Variants in KIAA1549L observed in about 807,000 individuals in gnomAD.
KIAA1549L encodes KIAA1549 like, also known as UPF0606 protein KIAA1549L.
In KIAA1549L, 88 loss-of-function variants were observed where a neutral mutation model predicts 160.7. The observed-to-expected ratio is 0.55, with a 90% CI of 0.46 to 0.65. KIAA1549L has a LOEUF of 0.65. KIAA1549L is among the 30% of genes least tolerant of loss of function. KIAA1549L has a pLI of 0.00. For synonymous variants in KIAA1549L, 950 were observed against 976.7 expected, an observed-to-expected ratio of 0.97 and a Z score of 0.51; for missense variants, 2,258 against 2,437.5, an observed-to-expected ratio of 0.93 and a Z score of 1.55.
chr11:33,570,246 C>A (rs909509619), intron 9 of KIAA1549L, among the ~76,000 whole-genome samples: 4 of 152,136 alleles, frequency 2.6e-5, no homozygotes, highest in Non-Finnish European at 5.9e-5. Context: ...TCATGATCCA[C>A]CCACCTCAGC....
In KIAA1549L at chr11:33,414,727, T is replaced by G. The variant is rs143351244; in HGVS notation, c.238+37838T>G. 8.8e-3 allele frequency among the ~76,000 whole-genome samples: 1,335 copies of G among 152,314 alleles called. 26 individuals carry two copies. The highest frequency in any genetic ancestry group is 0.03 in the African/African-American group (1,260 of 41,560). On this transcript the variant is annotated intron_variant, in intron 1 of 20. Transcript: ENST00000658780. ...GTTGAAAAGGGTATTGTATTATTGT[T>G]TTAATGTACATTACTTTGATTACTA...
At chr11:33,553,274 A>G (rs1213846640) in intron 6 of KIAA1549L, among the ~76,000 whole-genome samples, 1 of 150,834 alleles carries the variant, frequency 6.6e-6, no homozygotes, top group Non-Finnish European at 1.5e-5. Context: ...TGCTGGGATT[A>G]CAGGCATGAA....
At chr11:33,600,116 G>A (rs555141216) in intron 13 of KIAA1549L, among the ~76,000 whole-genome samples, 2 of 152,182 alleles carry the variant, frequency 1.3e-5, no homozygotes, top group East Asian at 3.9e-4. Context: ...ATTATATAAA[G>A]CACTTGTTTA....
rs561120960 is a variant in KIAA1549L at position 33,407,147 on chromosome 11, T to G, written c.238+30258T>G. On this transcript the variant is annotated intron_variant, in intron 1 of 20. Transcript: ENST00000658780. ...TCGTCCAGGCTGGAGTGCAGTGGCG[T>G]GATCTCGGCTCACTACAAACTCCGC... Among the ~76,000 whole-genome samples the G allele has an allele frequency of 7.2e-4, 100 of 138,662 alleles. 1 individual carries two copies. The highest frequency in any genetic ancestry group is 4.5e-3 in the East Asian group (20 of 4,490). 91.0% of individuals were successfully genotyped at this position (138,662 alleles called of 152,430 possible).
chr11:33,379,671 A>G (rs1164951235), intron 1 of KIAA1549L, among the ~76,000 whole-genome samples: 5 of 152,234 alleles, frequency 3.3e-5, no homozygotes, highest in African/African-American at 7.2e-5. Flanking sequence ...CAGCTACTCA[A>G]TGTGACTGTC....
chr11:33,456,690 G>A (rs954393354), intron 1 of KIAA1549L, among the ~76,000 whole-genome samples: 32 of 152,208 alleles, frequency 2.1e-4, no homozygotes, highest in African/African-American at 7.2e-4. Flanking sequence ...GGGACTACAG[G>A]CGTGAGCCAT....
At chr11:33,558,789 A>G (rs1854735819) in intron 6 of KIAA1549L, among the ~76,000 whole-genome samples, 1 of 152,112 alleles carries the variant, frequency 6.6e-6, no homozygotes, top group Admixed American at 6.5e-5. Context: ...AAGGAAATGT[A>G]ATTGCTCTGT....
intron 1 of KIAA1549L, among the ~76,000 whole-genome samples, chr11:33,516,081 G>A (rs1853338072): frequency 1.3e-5 from 2 of 151,734 alleles, no homozygotes; most frequent in Non-Finnish European, 1.5e-5. Context: ...ATCCAGGACT[G>A]TGCTTAGAAT....
At chr11:33,656,857 GA>G (rs1478919019) in intron 18 of KIAA1549L, among the ~76,000 whole-genome samples, 1 of 152,166 alleles carries the variant, frequency 6.6e-6, no homozygotes, top group Non-Finnish European at 1.5e-5. Context: ...TTAGAATGCG[GA>G]GGGGCGTAGA....
intron 1 of KIAA1549L, among the ~76,000 whole-genome samples, chr11:33,530,437 ATATATATAT>A (rs1409831845): frequency 2.2e-3 from 7 of 3,184 alleles, no homozygotes; most frequent in South Asian, 0.019. Flanking sequence ...AAAAAAAAAA[ATATATATAT>A]ATATATATAT....
chr11:33,564,525 A>C (rs1854982743), intron 8 of KIAA1549L, among the ~76,000 whole-genome samples: 1 of 152,238 alleles, frequency 6.6e-6, no homozygotes, highest in South Asian at 2.1e-4. Context: ...GAGAACCTAG[A>C]GGCTACCCTG....
intron 1 of KIAA1549L, among the ~76,000 whole-genome samples, chr11:33,487,233 C>T (rs2756284): frequency 0.31 from 46,945 of 151,704 alleles, 7,591 homozygotes; most frequent in Middle Eastern, 0.47. Context: ...TTTTTCTCAG[C>T]GCTAGCTGTA....
At chr11:33,660,601 C>T (rs371651905) in intron 19 of KIAA1549L, among the ~76,000 whole-genome samples, 17 of 152,264 alleles carry the variant, frequency 1.1e-4, no homozygotes, top group African/African-American at 2.9e-4. Flanking sequence ...TTTCCTCCAT[C>T]GCATCCCACC....
rs1302001521 is a variant in KIAA1549L at position 33,660,989 on chromosome 11, A to C, written c.6134A>C (p.Glu2045Ala). The change falls in exon 20 of 21, where the codon GAG becomes GCG. Residue 2045 changes from glutamate to alanine, a missense_variant. By Grantham distance (107) the Glu-to-Ala change is moderately radical. This residue lies in a region of KIAA1549L where 1,359 missense variants were observed against 1,546.6 expected (regional missense o/e 0.88). Transcript: ENST00000658780. ...TGGATGTCCTATGCAGGAGAGAATG[A>C]GCTCCCGAGCCAGTGGGCAGATTCG... is the stretch of plus-strand genomic sequence containing the variant. The part of the protein sequence containing the change: ...QAWMSYAGEN[E>A]LPSQWADSVP... The C allele has an allele frequency of 6.2e-7, 1 of 1,610,302 alleles. No homozygotes were observed. The highest frequency in any genetic ancestry group is 8.5e-7 in the Non-Finnish European group (1 of 1,178,362).
In KIAA1549L at chr11:33,633,280, G is replaced by C. The variant is rs750398530; in HGVS notation, c.5410-12406G>C. On this transcript the variant is annotated intron_variant, in intron 16 of 20. Transcript: ENST00000658780. The stretch of plus-strand genomic sequence containing the variant: ...TCCCAAAGTCCTGGGATTTTTACAG[G>C]TGTGAGTCACTGCGCCCAGCCCTCT... 2.2e-4 allele frequency among the ~76,000 whole-genome samples: 33 copies of C among 150,938 alleles called. 1 individual carries two copies. The highest frequency in any genetic ancestry group is 3.4e-3 in the Middle Eastern group (1 of 294).
intron 1 of KIAA1549L, among the ~76,000 whole-genome samples, chr11:33,427,871 G>C (rs1476444414): frequency 6.6e-6 from 1 of 152,160 alleles, no homozygotes; most frequent in Non-Finnish European, 1.5e-5. Context: ...TATAATTAGA[G>C]CCATACAATA....
chr11:33,639,804 T>G (rs1475859493), intron 16 of KIAA1549L, among the ~76,000 whole-genome samples: 1 of 152,234 alleles, frequency 6.6e-6, no homozygotes, highest in East Asian at 1.9e-4. Context: ...CCTCCCAAAG[T>G]GCTGGGATTA....
intron 20 of KIAA1549L, among the ~76,000 whole-genome samples, chr11:33,666,049 G>A (rs977384363): frequency 2.0e-5 from 3 of 152,184 alleles, no homozygotes; most frequent in Non-Finnish European, 4.4e-5. Flanking sequence ...CTATGGGTGG[G>A]GTGGTTGTAG....
intron 1 of KIAA1549L, among the ~76,000 whole-genome samples, chr11:33,519,334 T>C (rs533067244): frequency 3.9e-5 from 6 of 152,322 alleles, no homozygotes; most frequent in African/African-American, 1.4e-4. Flanking sequence ...TCCAGTGATA[T>C]ATATTTGTCA....
Sources: allele counts gnomAD v4.1 joint callset (sites outside exome capture counted in the v4.1 genomes callset), GRCh38; gene constraint gnomAD v4.1.1; regional missense constraint gnomAD v4.1.1; transcripts MANE v1.5; gene names NCBI Gene and HGNC (gene_info 2026-07-23, HGNC 2026-07-21).